The following ZMAT4 variants were observed in gnomAD, a reference collection of about 807,000 sequenced individuals.
ZMAT4 encodes the protein zinc finger matrin-type protein 4.
ZMAT4 carries 17 observed loss-of-function variants against 28.7 expected under a neutral mutation model. The ratio of observed to expected loss-of-function variants is 0.59; its 90% confidence interval spans 0.41 to 0.89. The LOEUF is 0.89. Ranked by LOEUF, ZMAT4 falls within the 40% of genes least tolerant of loss-of-function variation. The pLI is 0.00. For synonymous variants in ZMAT4, 117 were observed against 109.2 expected (o/e 1.07, Z -0.44); for missense variants, 240 against 283.8 (o/e 0.85, Z 1.11).
chr8:40,653,575 A>G (rs1485918532), intron 5 of ZMAT4, among the ~76,000 whole-genome samples: 1 of 152,134 alleles, frequency 6.6e-6, no homozygotes, highest in Non-Finnish European at 1.5e-5. Flanking sequence ...AGAGGACATC[A>G]CTAATGATCT....
At chr8:40,753,817 G>A (rs965938929) in intron 3 of ZMAT4, among the ~76,000 whole-genome samples, 2 of 152,154 alleles carry the variant, frequency 1.3e-5, no homozygotes, top group Non-Finnish European at 2.9e-5. Context: ...TTCACCAGAG[G>A]TGACAAAGAT....
chr8:40,577,758 C>T (rs1322687753), intron 6 of ZMAT4, among the ~76,000 whole-genome samples: 1 of 151,582 alleles, frequency 6.6e-6, no homozygotes, highest in Non-Finnish European at 1.5e-5. Flanking sequence ...AATTATGTAT[C>T]AATTATAAAC....
chr8:40,697,136 C>A lies in ZMAT4; in HGVS notation c.349+109G>T, dbSNP rs543235041. ...CCCTTTAGGCTTTGAATGACGTCTA[C>A]CATTAGGCTCTGGTTCTGGCAACTG... On this transcript the variant is annotated intron_variant, in intron 4 of 6. Coordinates refer to ENST00000297737, the MANE Select transcript of ZMAT4 (RefSeq NM_024645.3). The A allele has an allele frequency of 2.3e-6, 3 of 1,307,984 alleles. No homozygotes were observed. The Admixed American group carries it at 7.4e-5, about 32-fold the overall frequency. 81.0% of individuals were successfully genotyped at this position (1,307,984 alleles called of 1,614,324 possible).
chr8:40,623,913 AC>A lies in ZMAT4; in HGVS notation c.578-42653del, dbSNP rs150520066. Among the ~76,000 whole-genome samples the A allele has an allele frequency of 9.2e-3, 1,395 of 152,284 alleles. 19 individuals carry two copies. Among genetic ancestry groups the A allele is most frequent in the African/African-American group, 0.032 (1,319 of 41,562 alleles). On this transcript the variant is annotated intron_variant, in intron 5 of 6. Coordinates refer to ENST00000297737, the MANE Select transcript of ZMAT4 (RefSeq NM_024645.3). ...TAGTGGCCCTTTGTCCCTGGATCCT[AC>A]AGGCATTTGAAGCTTATGAGAAACA...
At position 40,821,007 on chromosome 8, in the gene ZMAT4, ATGTGTT is replaced by A. The variant is rs1586114625; in HGVS notation, c.102+4562_102+4567del. Among the ~76,000 whole-genome samples, 5 of 147,112 alleles carry A rather than the reference ATGTGTT, an allele frequency of 3.4e-5. No individual in the cohort carries two copies. The East Asian group carries it at 1.0e-3, about 30-fold the overall frequency. On this transcript the variant is annotated intron_variant, in intron 2 of 6. Transcript: ENST00000297737. ...TGTGTTTATGTGTGTGTATGTGTAT[ATGTGTT>A]TATGGGTGCGTGTGTATGTGTATGT...
In ZMAT4 at chr8:40,883,960, C is replaced by A. The variant is rs139028857; in HGVS notation, c.-5+13723G>T. The stretch of plus-strand genomic sequence containing the variant: ...TCCAGAGCTCACAGAGCCCCTTTCG[C>A]AGTGAAAAGCTCAAGTGATAGCATC... On this transcript the variant is annotated intron_variant, in intron 1 of 6. Coordinates refer to ENST00000297737, the MANE Select transcript of ZMAT4 (RefSeq NM_024645.3). Among the ~76,000 whole-genome samples, 107 of 152,276 alleles carry A rather than the reference C, an allele frequency of 7.0e-4. 1 individual carries two copies. The highest frequency in any genetic ancestry group is 2.3e-3 in the African/African-American group (97 of 41,552).
chr8:40,611,274 C>T (rs1805784433), intron 5 of ZMAT4, among the ~76,000 whole-genome samples: 1 of 152,116 alleles, frequency 6.6e-6, no homozygotes, highest in Non-Finnish European at 1.5e-5. Context: ...TCCATTTAAA[C>T]TACATCGATG....
intron 3 of ZMAT4, among the ~76,000 whole-genome samples, chr8:40,750,140 T>C (rs1193469805): frequency 6.6e-6 from 1 of 152,176 alleles, no homozygotes; most frequent in Non-Finnish European, 1.5e-5. Flanking sequence ...CCAGGTCACA[T>C]GAAGTTATAA....
chr8:40,586,271 A>C (rs537637949), intron 5 of ZMAT4, among the ~76,000 whole-genome samples: 1 of 152,210 alleles, frequency 6.6e-6, no homozygotes, highest in Non-Finnish European at 1.5e-5. Flanking sequence ...AAACCAAAAA[A>C]TGCTAACTTC....
intron 3 of ZMAT4, among the ~76,000 whole-genome samples, chr8:40,700,775 T>G (rs1052406479): frequency 6.6e-6 from 1 of 152,106 alleles, no homozygotes; most frequent in Non-Finnish European, 1.5e-5. Flanking sequence ...AACCAGCCTT[T>G]GGGTCTCCTG....
chr8:40,809,594 A>G (rs1181350152), intron 2 of ZMAT4, among the ~76,000 whole-genome samples: 3 of 152,248 alleles, frequency 2.0e-5, no homozygotes, highest in South Asian at 4.1e-4. Context: ...AAGAAAAAAC[A>G]TAGTTTTAAG....
chr8:40,556,629 T>G (rs780508204), intron 6 of ZMAT4, among the ~76,000 whole-genome samples: 1 of 152,194 alleles, frequency 6.6e-6, no homozygotes, highest in Non-Finnish European at 1.5e-5. Context: ...AGATTTTTCC[T>G]TCTTAAACCA....
At chr8:40,891,485 T>G (rs1020745721) in intron 1 of ZMAT4, among the ~76,000 whole-genome samples, 1 of 151,992 alleles carries the variant, frequency 6.6e-6, no homozygotes, top group African/African-American at 2.4e-5. Context: ...CATCTGCACC[T>G]TCCCAAGCTT....
chr8:40,753,475 A>G (rs1253166597), intron 3 of ZMAT4, among the ~76,000 whole-genome samples: 1 of 152,154 alleles, frequency 6.6e-6, no homozygotes, highest in Non-Finnish European at 1.5e-5. Flanking sequence ...TCTTTATTCT[A>G]AGCTTTCCAC....
intron 5 of ZMAT4, among the ~76,000 whole-genome samples, chr8:40,613,164 C>T (rs1439146219): frequency 1.0e-5 from 1 of 99,886 alleles, no homozygotes; most frequent in Non-Finnish European, 1.9e-5. Flanking sequence ...TTCTTTCTTT[C>T]TTTCTTACTT....
intron 2 of ZMAT4, among the ~76,000 whole-genome samples, chr8:40,772,499 A>G (rs1256801939): frequency 3.9e-5 from 6 of 152,160 alleles, no homozygotes; most frequent in Admixed American, 2.0e-4. Context: ...TCACAACTCA[A>G]ATTTGCTTCC....
intron 6 of ZMAT4, among the ~76,000 whole-genome samples, chr8:40,564,011 C>T (rs541128086): frequency 2.8e-4 from 43 of 152,166 alleles, no homozygotes; most frequent in African/African-American, 9.4e-4. Context: ...CAGGCTCCCT[C>T]GGATTGTCAG....
chr8:40,625,556 A>C (rs777789622), intron 5 of ZMAT4, among the ~76,000 whole-genome samples: 9 of 152,134 alleles, frequency 5.9e-5, no homozygotes, highest in Non-Finnish European at 1.3e-4. Context: ...ACGTGACATT[A>C]GAGGGAAAGA....
chr8:40,687,400 G>C (rs1454434218), intron 4 of ZMAT4, among the ~76,000 whole-genome samples: 2 of 152,054 alleles, frequency 1.3e-5, no homozygotes, highest in African/African-American at 2.4e-5. Context: ...GTAGAATTAA[G>C]GATTATTAAT....
Sources: allele counts gnomAD v4.1 joint callset (sites outside exome capture counted in the v4.1 genomes callset), GRCh38; gene constraint gnomAD v4.1.1; transcripts MANE v1.5; gene names NCBI Gene and HGNC (gene_info 2026-07-23, HGNC 2026-07-21).